ZNF37A: variants seen among roughly 807,000 people sequenced by gnomAD.
ZNF37A encodes the protein zinc finger protein 37A.
In ZNF37A, 10 loss-of-function variants were observed where a neutral mutation model predicts 12.3. The ratio of observed to expected loss-of-function variants is 0.82; its 90% CI spans 0.50 to 1.38. The LOEUF is 1.38. Among genes scored for constraint, ZNF37A ranks in the 40% most tolerant of loss-of-function variants. ZNF37A has a pLI of 0.00. For synonymous variants in ZNF37A, 207 were observed against 223.0 expected, an observed-to-expected ratio of 0.93 and a Z score of 0.64; for missense variants, 580 against 651.2, an observed-to-expected ratio of 0.89 and a Z score of 1.19.
At chr10:38,136,741 C>T (rs968043717) in intron 7 of ZNF37A, among the ~76,000 whole-genome samples, 3 of 152,042 alleles carry the variant, frequency 2.0e-5, no homozygotes, top group Non-Finnish European at 4.4e-5. Context: ...ATTCTTTTTG[C>T]CCCAGTCTGT....
At chr10:38,113,964 T>A (rs2069035992) in intron 5 of ZNF37A, among the ~76,000 whole-genome samples, 1 of 152,222 alleles carries the variant, frequency 6.6e-6, no homozygotes, top group African/African-American at 2.4e-5. Flanking sequence ...AATATCAGCA[T>A]GCCTATTTAT....
At chr10:38,102,212 T>G (rs2067650813) in intron 5 of ZNF37A, among the ~76,000 whole-genome samples, 1 of 152,198 alleles carries the variant, frequency 6.6e-6, no homozygotes. Flanking sequence ...GAAAAAGGAC[T>G]TATGCCATTT....
intron 5 of ZNF37A, among the ~76,000 whole-genome samples, chr10:38,100,818 G>C (rs1212227639): frequency 6.6e-6 from 1 of 152,174 alleles, no homozygotes; most frequent in Non-Finnish European, 1.5e-5. Flanking sequence ...TGGGGAAGTG[G>C]TAAGTGTCCC....
At chr10:38,106,489 G>A (rs1285571899) in intron 5 of ZNF37A, among the ~76,000 whole-genome samples, 2 of 152,106 alleles carry the variant, frequency 1.3e-5, no homozygotes, top group Admixed American at 1.3e-4. Context: ...AACAAAACTG[G>A]ACAGAGAATG....
intron 7 of ZNF37A, among the ~76,000 whole-genome samples, chr10:38,116,336 T>C (rs1305029274): frequency 1.3e-5 from 2 of 152,220 alleles, no homozygotes; most frequent in East Asian, 1.9e-4. Flanking sequence ...AATATTGTTA[T>C]AGCAATCCAG....
chr10:38,140,453 A>G (rs1390109430), intron 7 of ZNF37A: 14 of 152,230 alleles, frequency 9.2e-5, no homozygotes, highest in Non-Finnish European at 1.8e-4. Context: ...GAAGGAAGTT[A>G]TAAGTTAGAA....
intron 5 of ZNF37A, among the ~76,000 whole-genome samples, chr10:38,113,386 T>C (rs1304417316): frequency 1.3e-5 from 2 of 151,922 alleles, no homozygotes; most frequent in African/African-American, 2.4e-5. Flanking sequence ...CTATTCTTTG[T>C]CTTTTTAGTA....
At position 38,118,658 on chromosome 10, in the gene ZNF37A, T is replaced by G; in HGVS notation, c.1507T>G (p.Ser503Ala). 1 of 1,610,996 alleles carries G rather than the reference T, an allele frequency of 6.2e-7. No individual in the cohort carries two copies. Among genetic ancestry groups the G allele is most frequent in the Non-Finnish European group, 8.5e-7 (1 of 1,179,002 alleles). ...CTATGGATGTAATCAATGTGGAAAA[T>G]CATTCTGTGTGAAGTCAAAACTCAT... Reference protein sequence around the residue: ...KPYGCNQCGKSFCVKSKLIAH... With the variant: ...KPYGCNQCGKAFCVKSKLIAH... The change falls in exon 8 of 8, where the codon TCA becomes GCA. Residue 503 changes from serine to alanine, a missense_variant. Coordinates refer to ENST00000685332, the MANE Select transcript of ZNF37A (RefSeq NM_001324250.3).
intron 5 of ZNF37A, among the ~76,000 whole-genome samples, chr10:38,112,730 ATTTTCTTTTCTTTTC>A (rs545261135): frequency 0.056 from 4,344 of 77,394 alleles, 316 homozygotes; most frequent in African/African-American, 0.12. Context: ...TTTTACATCC[ATTTTCTTTTCTTTTC>A]TTTTCTTTTC....
intron 6 of ZNF37A, 29 bp from the exon 7 acceptor site, chr10:38,115,166 G>T: frequency 6.3e-7 from 1 of 1,597,496 alleles, no homozygotes; most frequent in Non-Finnish European, 8.5e-7. Flanking sequence ...CACCCAGTTT[G>T]TCCCAAGTAA....
exon 8 of ZNF37A, chr10:38,148,075 A>G (rs956173768): frequency 1.3e-5 from 2 of 152,224 alleles, no homozygotes; most frequent in African/African-American, 4.8e-5. Context: ...AAAGACAAAC[A>G]GCTGATCTTG....
intron 7 of ZNF37A, chr10:38,138,692 T>C (rs2070142666): frequency 6.6e-6 from 1 of 152,204 alleles, no homozygotes. Context: ...GAACCCGTTG[T>C]CTTAAAGCCA....
At chr10:38,110,038 A>G (rs1206358839) in intron 5 of ZNF37A, among the ~76,000 whole-genome samples, 1 of 152,240 alleles carries the variant, frequency 6.6e-6, no homozygotes, top group Non-Finnish European at 1.5e-5. Context: ...TAGCCAAGAT[A>G]ATTCTAAGCC....
chr10:38,114,384 G>C (rs1205745785), intron 5 of ZNF37A, among the ~76,000 whole-genome samples: 1 of 152,186 alleles, frequency 6.6e-6, no homozygotes, highest in Non-Finnish European at 1.5e-5. Flanking sequence ...CATAGCTGTG[G>C]TGTGAGTCCT....
chr10:38,112,998 G>A lies in ZNF37A; in HGVS notation c.16-1757G>A, dbSNP rs527491076. 5.3e-5 allele frequency among the ~76,000 whole-genome samples: 8 copies of A among 151,880 alleles called. No individual in the cohort carries two copies. The South Asian group carries it at 1.0e-3, about 20-fold the overall frequency. On this transcript the variant is annotated intron_variant, in intron 5 of 7. Coordinates refer to ENST00000685332, the MANE Select transcript of ZNF37A (RefSeq NM_001324250.3). Reference sequence around the variant, plus strand: ...AATTTTTGTATTTTTAGTAGAGACAGGGTTTCACCATGTTAGCCATGCTGG... The same window carrying A: ...AATTTTTGTATTTTTAGTAGAGACAAGGTTTCACCATGTTAGCCATGCTGG...
In ZNF37A at chr10:38,117,796, C is replaced by G; in HGVS notation, c.645C>G (p.Leu215=). Residue 215 remains leucine (L), a synonymous_variant, in exon 8 of 8, where the codon CTC becomes CTG. Transcript: ENST00000685332. ...CGENIFEESI[L]LEHQSVYPFS... ...AAAATATCTTTGAGGAATCCATTCT[C>G]CTTGAACATCAGAGTGTTTACCCAT... is the stretch of plus-strand genomic sequence containing the variant. The G allele has an allele frequency of 6.2e-7, 1 of 1,613,968 alleles. No individual in the cohort carries two copies. The highest frequency in any genetic ancestry group is 2.2e-5 in the East Asian group (1 of 44,856).
chr10:38,130,627 A>C (rs886672284), intron 7 of ZNF37A, among the ~76,000 whole-genome samples: 2 of 151,384 alleles, frequency 1.3e-5, no homozygotes, highest in African/African-American at 4.9e-5. Flanking sequence ...TGCCCAGCTA[A>C]GTTTTGCATT....
Position 38,109,597 on chromosome 10 carries a change from C to A in ZNF37A, c.16-5158C>A, listed in dbSNP as rs181110320. Reference sequence around the variant, plus strand: ...TGATTCTATATTTAGAAAACCCCATCATCTCAGCCCAAAATCTCCTAAAGC... The same window carrying A: ...TGATTCTATATTTAGAAAACCCCATAATCTCAGCCCAAAATCTCCTAAAGC... On this transcript the variant is annotated intron_variant, in intron 5 of 7. Transcript: ENST00000685332. Among the ~76,000 whole-genome samples the A allele has an allele frequency of 3.5e-3, 535 of 152,280 alleles. 2 individuals carry two copies. The highest frequency in any genetic ancestry group is 5.2e-3 in the Admixed American group (80 of 15,292).
At chr10:38,113,695 T>C (rs2069014978) in intron 5 of ZNF37A, among the ~76,000 whole-genome samples, 1 of 152,220 alleles carries the variant, frequency 6.6e-6, no homozygotes, top group Non-Finnish European at 1.5e-5. Context: ...ACATCTCCAC[T>C]GCTGCCCCTT....
Sources: allele counts gnomAD v4.1 joint callset (sites outside exome capture counted in the v4.1 genomes callset), GRCh38; gene constraint gnomAD v4.1.1; transcripts MANE v1.5; gene names NCBI Gene and HGNC (gene_info 2026-07-23, HGNC 2026-07-21).